The following MCMBP variants were observed in gnomAD, a reference collection of about 807,000 sequenced individuals.
MCMBP encodes mini-chromosome maintenance complex-binding protein.
A neutral mutation model predicts 81.3 loss-of-function variants in MCMBP; 31 were observed. The observed-to-expected ratio is 0.38, with a 90% CI of 0.29 to 0.51. The LOEUF is 0.51. MCMBP is among the 20% of genes least tolerant of loss of function. The pLI is 0.87. For synonymous variants in MCMBP, 267 were observed against 275.9 expected, an observed-to-expected ratio of 0.97 and a Z score of 0.32; for missense variants, 645 against 772.1, an observed-to-expected ratio of 0.84 and a Z score of 1.95.
chr10:119,863,728 CAAAAAAAAAAAAAAAAAAAAAAAAAAA>C (rs57266961), intron 1 of MCMBP, among the ~76,000 whole-genome samples: 1 of 20,188 alleles, frequency 5.0e-5, no homozygotes, highest in Non-Finnish European at 8.2e-5. Context: ...GGCTCAGACT[CAAAAAAAAAAAAAAAAAAAAAAAAAAA>C]AAAAAAAAAA....
At chr10:119,865,266 G>A (rs187976514) in intron 1 of MCMBP, among the ~76,000 whole-genome samples, 76 of 152,266 alleles carry the variant, frequency 5.0e-4, no homozygotes, top group African/African-American at 1.8e-3. Flanking sequence ...TATATAATGT[G>A]CCTCTTGTTC....
At chr10:119,853,885 A>G (rs1434717115) in intron 5 of MCMBP, among the ~76,000 whole-genome samples, 2 of 152,138 alleles carry the variant, frequency 1.3e-5, no homozygotes, top group African/African-American at 4.8e-5. Flanking sequence ...ACTGTTCAAC[A>G]AGGGCTGTTC....
In MCMBP at chr10:119,843,141, T is replaced by C. The variant is rs749719638; in HGVS notation, c.1000+113A>G. ...AGAGAGAGATTACTGAAAACACTTATTGTGAGGAATGAAGACCTGACTCTC... is the reference window on the plus strand; with the variant it reads ...AGAGAGAGATTACTGAAAACACTTACTGTGAGGAATGAAGACCTGACTCTC... On this transcript the variant is annotated intron_variant, in intron 9 of 15. Transcript: ENST00000369077. The C allele has an allele frequency of 8.7e-6, 10 of 1,155,270 alleles. No homozygotes were observed. In the South Asian group the frequency reaches 8.7e-5, roughly 10 times the overall value. The allele number at this position is 1,155,270 out of a possible 1,614,324, so 71.6% of individuals were successfully genotyped here.
chr10:119,872,503 CCGCCCCCCGGCG>C lies in MCMBP; in HGVS notation c.58+12_58+23del. On this transcript the variant is annotated intron_variant, in intron 1 of 15. Transcript: ENST00000369077. ...CGGCAAACTCGGCTGCCCGCCCGGCCCGCCCCCCGGCGCCGCCACTCACCGAAGAATCCCTGC... is the reference window on the plus strand; with the variant it reads ...CGGCAAACTCGGCTGCCCGCCCGGCCCCGCCACTCACCGAAGAATCCCTGC... 1 of 1,182,114 alleles carries C rather than the reference CCGCCCCCCGGCG, an allele frequency of 8.5e-7. No individual in the cohort carries two copies. The highest frequency in any genetic ancestry group is 1.1e-6 in the Non-Finnish European group (1 of 949,950). 73.2% of individuals were successfully genotyped at this position (1,182,114 alleles called of 1,614,324 possible).
At chr10:119,857,112 A>G (rs1853078897) in intron 5 of MCMBP, among the ~76,000 whole-genome samples, 1 of 151,936 alleles carries the variant, frequency 6.6e-6, no homozygotes. Context: ...AAAAAAAAAA[A>G]AAAAAAAAAT....
chr10:119,861,558 G>A (rs543314651), intron 1 of MCMBP, among the ~76,000 whole-genome samples: 33 of 151,434 alleles, frequency 2.2e-4, no homozygotes, highest in Non-Finnish European at 3.5e-4. Flanking sequence ...GGGTATTTTC[G>A]CTTGTATTCA....
At chr10:119,866,548 C>A (rs554342746) in intron 1 of MCMBP, among the ~76,000 whole-genome samples, 24 of 152,164 alleles carry the variant, frequency 1.6e-4, no homozygotes, top group Admixed American at 1.4e-3. Flanking sequence ...ATCGCTTGAA[C>A]CCGGTAAGCA....
chr10:119,843,195 C>T (rs1336976433), intron 9 of MCMBP, 59 bp downstream of exon 9: 1 of 1,592,696 alleles, frequency 6.3e-7, no homozygotes, highest in Admixed American at 1.7e-5. Context: ...TTACAGGCAG[C>T]TCTGGACACA....
intron 1 of MCMBP, among the ~76,000 whole-genome samples, chr10:119,863,677 T>TGAGATC (rs200865846): frequency 0.11 from 14,899 of 130,542 alleles, 851 homozygotes; most frequent in South Asian, 0.17. Flanking sequence ...TTCAGTGAGC[T>TGAGATC]GAGATCGCAC....
intron 10 of MCMBP, 134 bp downstream of exon 10, chr10:119,842,338 T>G (rs1219985481): frequency 5.3e-6 from 5 of 944,032 alleles, no homozygotes; most frequent in Non-Finnish European, 7.7e-6. Context: ...GGTATAACAG[T>G]TAACACTGGA....
intron 7 of MCMBP, among the ~76,000 whole-genome samples, chr10:119,848,875 G>A (rs533350532): frequency 6.6e-6 from 1 of 152,324 alleles, no homozygotes; most frequent in East Asian, 1.9e-4. Flanking sequence ...AAATGATACA[G>A]GAAGGGAACA....
chr10:119,844,012 G>A (rs1353201753), intron 8 of MCMBP, among the ~76,000 whole-genome samples: 1 of 152,190 alleles, frequency 6.6e-6, no homozygotes, highest in Admixed American at 6.5e-5. Context: ...AATGTAGGAT[G>A]TCACTCATAA....
intron 1 of MCMBP, 54 bp downstream of exon 1, chr10:119,872,473 G>C: frequency 9.1e-7 from 1 of 1,100,268 alleles, no homozygotes; most frequent in Non-Finnish European, 1.1e-6. Flanking sequence ...CCCTGCCCCG[G>C]GGCCCGGCAA....
rs1853094750 is a variant in MCMBP, at chr10:119,857,456, A to G, written c.328-17T>C. 1.3e-6 allele frequency: 2 copies of G among 1,526,702 alleles called. No homozygotes were observed. Among genetic ancestry groups the G allele is most frequent in the Non-Finnish European group, 1.8e-6 (2 of 1,131,078 alleles). 94.6% of individuals were successfully genotyped at this position (1,526,702 alleles called of 1,614,324 possible). ...TTGTTGAGGCTGTGATATACATAAA[A>G]AGTGTTTTTAAAAATTTACTTTAAA... On this transcript the variant is annotated splice_polypyrimidine_tract_variant and intron_variant, in intron 4 of 15. Coordinates refer to ENST00000369077, the MANE Select transcript of MCMBP (RefSeq NM_001256378.2).
chr10:119,872,201 C>T (rs1853703761), intron 1 of MCMBP, among the ~76,000 whole-genome samples: 2 of 152,114 alleles, frequency 1.3e-5, no homozygotes, highest in African/African-American at 2.4e-5. Flanking sequence ...GCGCCCGGGG[C>T]CGGGGCCCTG....
chr10:119,848,899 AGTT>A (rs1736545055), intron 7 of MCMBP, among the ~76,000 whole-genome samples: 1 of 152,228 alleles, frequency 6.6e-6, no homozygotes, highest in Non-Finnish European at 1.5e-5. Context: ...ATAATTTAAA[AGTT>A]GTTCTGCTTC....
chr10:119,857,301 A>G, intron 5 of MCMBP, 37 bp downstream of exon 5: 1 of 1,415,674 alleles, frequency 7.1e-7, no homozygotes, highest in Non-Finnish European at 9.8e-7. Flanking sequence ...GTTTTTAGAA[A>G]CCATCAACAC....
In MCMBP at chr10:119,872,469, CCCGGGGCCCGGCA is replaced by C. The variant is rs1217796354; in HGVS notation, c.58+45_58+57del. 15 of 1,077,910 alleles carry C rather than the reference CCCGGGGCCCGGCA, an allele frequency of 1.4e-5. 1 individual carries two copies. Among genetic ancestry groups the C allele is most frequent in the Non-Finnish European group, 1.5e-5 (13 of 862,360 alleles). The allele number at this position is 1,077,910 out of a possible 1,614,324, so 66.8% of individuals were successfully genotyped here. ...TGGGGGCCGCGCGGCGGGGCCCTGC[CCCGGGGCCCGGCA>C]AACTCGGCTGCCCGCCCGGCCCGCC... On this transcript the variant is annotated intron_variant, in intron 1 of 15. Coordinates refer to ENST00000369077, the MANE Select transcript of MCMBP (RefSeq NM_001256378.2).
intron 14 of MCMBP, among the ~76,000 whole-genome samples, 154 bp from the exon 15 acceptor site, chr10:119,832,254 T>A (rs915688985): frequency 6.6e-6 from 1 of 152,206 alleles, no homozygotes; most frequent in Non-Finnish European, 1.5e-5. Context: ...TACATAATGC[T>A]GCTGATGAAA....
Sources: gnomAD v4.1 joint callset for allele counts (sites outside exome capture counted in the v4.1 genomes callset) on GRCh38, gnomAD v4.1.1 for gene constraint, MANE v1.5 for transcripts, NCBI Gene and HGNC (gene_info 2026-07-23, HGNC 2026-07-21) for gene names.